The following ATXN1 variants were observed in gnomAD, a reference collection of about 807,000 sequenced individuals.
ATXN1 encodes the protein ataxin 1, also known as ataxin-1.
In ATXN1, 8 loss-of-function variants were observed where a neutral mutation model predicts 56.4. That is an observed-to-expected ratio of 0.14 (90% CI 0.08 to 0.26). The LOEUF is 0.26. Ranked by LOEUF, ATXN1 falls within the 10% of genes least tolerant of loss-of-function variation. The probability of loss-of-function intolerance (pLI) is 1.00; values close to 1 mark genes in which losing one functional copy is unlikely to be tolerated. For missense variants in ATXN1, 987 were observed against 1,106.5 expected (o/e 0.89, Z 1.53); for synonymous variants, 514 against 494.6 (o/e 1.04, Z -0.52).
intron 2 of ATXN1, among the ~76,000 whole-genome samples, chr6:16,730,815 T>C (rs1474220009): frequency 1.3e-5 from 2 of 152,136 alleles, no homozygotes; most frequent in African/African-American, 4.8e-5. Flanking sequence ...TTAAACATGA[T>C]TTATTCCAGG....
At position 16,475,871 on chromosome 6, in the gene ATXN1, C is replaced by CTTTT. The variant is rs56262935; in HGVS notation, c.-161+10097_-161+10100dup. Among the ~76,000 whole-genome samples the CTTTT allele has an allele frequency of 3.2e-4, 44 of 139,184 alleles. No homozygotes were observed. The Admixed American group carries it at 3.2e-3, about 10-fold the overall frequency. The allele number at this position is 139,184 out of a possible 152,430, so 91.3% of individuals were successfully genotyped here. A position where few individuals can be genotyped will look rare whatever the true frequency, so the allele number is the denominator to read the frequency against. On this transcript the variant is annotated intron_variant, in intron 6 of 7. Coordinates refer to ENST00000436367, the MANE Select transcript of ATXN1 (RefSeq NM_001128164.2). ...GTCCCTATCTTCTCCTTAGTCATTA[C>CTTTT]TTTTTTTTTTTTTTTTGAGATGGAG...
intron 3 of ATXN1, among the ~76,000 whole-genome samples, chr6:16,607,137 G>T (rs1000325733): frequency 6.6e-6 from 1 of 152,166 alleles, no homozygotes; most frequent in Non-Finnish European, 1.5e-5. Context: ...GCCTCCCAAA[G>T]TGTTGGGATT....
intron 4 of ATXN1, among the ~76,000 whole-genome samples, chr6:16,570,678 AAG>A (rs1458024414): frequency 2.6e-5 from 4 of 152,192 alleles, no homozygotes; most frequent in Admixed American, 2.6e-4. Context: ...AGACTGAAGA[AAG>A]ACAGATGAAA....
chr6:16,544,355 G>A (rs139889328), intron 4 of ATXN1, among the ~76,000 whole-genome samples: 38 of 152,254 alleles, frequency 2.5e-4, no homozygotes, highest in Middle Eastern at 3.4e-3. Flanking sequence ...GGGGGACTCC[G>A]CCTCAAGGCC....
Position 16,326,906 on chromosome 6 carries a change from G to C in ATXN1, c.1405C>G (p.Gln469Glu). The C allele has an allele frequency of 6.2e-7, 1 of 1,613,334 alleles. No individual in the cohort carries two copies. The highest frequency in any genetic ancestry group is 8.5e-7 in the Non-Finnish European group (1 of 1,179,524). ...PPVIGYLSGQ[Q>E]QAITYAGSLP... ...CTGCCGGCGTAGGTGATTGCTTGCTGCTGGCCGCTCAGGTAGCCGATGACA... is the reference window on the plus strand; with the variant it reads ...CTGCCGGCGTAGGTGATTGCTTGCTCCTGGCCGCTCAGGTAGCCGATGACA... The change falls in exon 7 of 8, where the codon CAG becomes GAG. Residue 469 changes from glutamine to glutamate, a missense_variant. By Grantham distance (29) the Gln-to-Glu change is conservative. This residue lies in a region of ATXN1 where 723 missense variants were observed against 791.7 expected (regional missense o/e 0.91). Transcript: ENST00000436367. The surrounding 1 kb of genome is among the most constrained non-coding windows in gnomAD (Gnocchi z 6.6).
intron 6 of ATXN1, among the ~76,000 whole-genome samples, chr6:16,475,547 T>C (rs1760310012): frequency 6.6e-6 from 1 of 152,198 alleles, no homozygotes; most frequent in Admixed American, 6.5e-5. Context: ...AGACCTTCTT[T>C]ATAGATGAAG....
At chr6:16,605,735 G>A (rs1384337773) in intron 3 of ATXN1, among the ~76,000 whole-genome samples, 2 of 152,152 alleles carry the variant, frequency 1.3e-5, no homozygotes, top group Non-Finnish European at 1.5e-5. Context: ...TATTCAAGCA[G>A]TGACCCTAGG....
intron 2 of ATXN1, among the ~76,000 whole-genome samples, chr6:16,704,639 C>A (rs1040703847): frequency 6.6e-6 from 1 of 152,122 alleles, no homozygotes; most frequent in Non-Finnish European, 1.5e-5. Flanking sequence ...CCTTTGAAGC[C>A]GCAGTGCAAT....
At chr6:16,649,214 T>C (rs1763853339) in intron 3 of ATXN1, among the ~76,000 whole-genome samples, 1 of 152,092 alleles carries the variant, frequency 6.6e-6, no homozygotes, top group African/African-American at 2.4e-5. Context: ...GGAGATGACT[T>C]TTCATTTTAT....
At chr6:16,414,523 G>C (rs1423032693) in intron 6 of ATXN1, among the ~76,000 whole-genome samples, 1 of 152,168 alleles carries the variant, frequency 6.6e-6, no homozygotes, top group Non-Finnish European at 1.5e-5. Context: ...ATGCTAGACA[G>C]AAGATAACCA....
In ATXN1 at chr6:16,532,717, C is replaced by A. The variant is rs141056859; in HGVS notation, c.-360-10029G>T. 2.0e-3 allele frequency among the ~76,000 whole-genome samples: 297 copies of A among 152,110 alleles called. 4 individuals carry two copies. The highest frequency in any genetic ancestry group is 0.012 in the South Asian group (56 of 4,812). On this transcript the variant is annotated intron_variant, in intron 4 of 7. Coordinates refer to ENST00000436367, the MANE Select transcript of ATXN1 (RefSeq NM_001128164.2). ...TCTGATTAACAACAAAAAAAACAACCCCCAAAACAAGAAAATAACAAATGT... is the reference window on the plus strand; with the variant it reads ...TCTGATTAACAACAAAAAAAACAACACCCAAAACAAGAAAATAACAAATGT...
chr6:16,521,403 A>G (rs1761286165), intron 5 of ATXN1, among the ~76,000 whole-genome samples: 2 of 152,070 alleles, frequency 1.3e-5, no homozygotes, highest in East Asian at 3.9e-4. Context: ...CTAAAAATAC[A>G]AAAAATTAGC....
chr6:16,353,605 C>A (rs973261892), intron 6 of ATXN1, among the ~76,000 whole-genome samples: 3 of 152,058 alleles, frequency 2.0e-5, no homozygotes, highest in Non-Finnish European at 4.4e-5. Flanking sequence ...ACCTGGGAGG[C>A]GGAGGTTGCA....
chr6:16,583,929 C>G (rs1762572216), intron 4 of ATXN1, among the ~76,000 whole-genome samples: 1 of 152,024 alleles, frequency 6.6e-6, no homozygotes, highest in African/African-American at 2.4e-5. Flanking sequence ...TGCCAATACC[C>G]TACATTTGTT....
intron 6 of ATXN1, among the ~76,000 whole-genome samples, chr6:16,388,202 G>GGCTGCAGGTCCCATGCAATGCTGTCA (rs1758280016): frequency 2.6e-5 from 4 of 152,144 alleles, no homozygotes; most frequent in Admixed American, 2.6e-4. Flanking sequence ...CGGTGAAAGG[G>GGCTGCAGGTCCCATGCAATGCTGTCA]GCTGCAGGTC....
chr6:16,563,118 A>G (rs531818959), intron 4 of ATXN1, among the ~76,000 whole-genome samples: 2 of 152,254 alleles, frequency 1.3e-5, no homozygotes, highest in African/African-American at 4.8e-5. Flanking sequence ...GGAAAAAGAG[A>G]GTAGAAGGAT....
At chr6:16,716,282 A>G (rs780800610) in intron 2 of ATXN1, among the ~76,000 whole-genome samples, 1 of 152,200 alleles carries the variant, frequency 6.6e-6, no homozygotes, top group Non-Finnish European at 1.5e-5. Context: ...ATAAATGAGT[A>G]TCAATGCCAA....
chr6:16,617,830 A>T (rs1763246973), intron 3 of ATXN1, among the ~76,000 whole-genome samples: 1 of 151,942 alleles, frequency 6.6e-6, no homozygotes, highest in African/African-American at 2.4e-5. Flanking sequence ...TTAGTACTTA[A>T]TAAAGATGAT....
chr6:16,383,908 G>A (rs142052564), intron 6 of ATXN1, among the ~76,000 whole-genome samples: 242 of 152,358 alleles, frequency 1.6e-3, no homozygotes, highest in African/African-American at 5.5e-3. Context: ...TCCGTGTAAA[G>A]AGAAAATCAG....
Sources: allele counts gnomAD v4.1 joint callset (sites outside exome capture counted in the v4.1 genomes callset), GRCh38; gene constraint gnomAD v4.1.1; regional missense constraint gnomAD v4.1.1; non-coding constraint Gnocchi (gnomAD v3.1); transcripts MANE v1.5; gene names NCBI Gene and HGNC (gene_info 2026-07-23, HGNC 2026-07-21).